The following NOX4 variants were observed in gnomAD, a reference collection of about 807,000 sequenced individuals.
The protein encoded by NOX4 is kidney oxidase-1.
Under a neutral mutation model 87.6 loss-of-function variants are expected in NOX4, and 69 were observed. The ratio of observed to expected loss-of-function variants is 0.79; its 90% CI spans 0.65 to 0.96. The LOEUF (loss-of-function observed/expected upper bound fraction) is 0.96, where lower values mean the gene tolerates loss of function less well. Ranked by LOEUF, NOX4 falls within the 40% of genes least tolerant of loss-of-function variation. NOX4 has a pLI of 0.00. For synonymous variants in NOX4, 275 were observed against 238.2 expected (o/e 1.15, Z -1.42); for missense variants, 680 against 681.5 (o/e 1.00, Z 0.02).
At chr11:89,410,354 G>A (rs1942409611) in intron 8 of NOX4, among the ~76,000 whole-genome samples, 1 of 152,110 alleles carries the variant, frequency 6.6e-6, no homozygotes, top group Admixed American at 6.6e-5. Flanking sequence ...CTTGATACTT[G>A]AGGAAAATTG....
At chr11:89,445,366 G>T (rs1036904046) in intron 4 of NOX4, among the ~76,000 whole-genome samples, 1 of 151,852 alleles carries the variant, frequency 6.6e-6, no homozygotes, top group Non-Finnish European at 1.5e-5. Context: ...CAAAAATAAT[G>T]AAAGTGAGAG....
chr11:89,477,228 G>C (rs573642182), intron 2 of NOX4, among the ~76,000 whole-genome samples: 1 of 152,072 alleles, frequency 6.6e-6, no homozygotes, highest in African/African-American at 2.4e-5. Flanking sequence ...TCCTATCTGG[G>C]GGGTGACAGG....
chr11:89,375,920 G>A (rs960935635), intron 11 of NOX4, among the ~76,000 whole-genome samples: 3 of 152,166 alleles, frequency 2.0e-5, no homozygotes, highest in Admixed American at 2.0e-4. Context: ...GTGTGCCTGA[G>A]GGCAAATGTG....
At chr11:89,436,186 A>T (rs912421439) in intron 6 of NOX4, among the ~76,000 whole-genome samples, 1 of 152,192 alleles carries the variant, frequency 6.6e-6, no homozygotes, top group East Asian at 1.9e-4. Flanking sequence ...TTCCCAGTCC[A>T]CTGGTGGAGA....
At chr11:89,330,835 A>C (rs543592305) in intron 17 of NOX4, among the ~76,000 whole-genome samples, 7 of 152,072 alleles carry the variant, frequency 4.6e-5, no homozygotes, top group Non-Finnish European at 7.4e-5. Context: ...ACTGAAAATA[A>C]AAAGCTTCAA....
At chr11:89,563,800 C>CT in the NOX4 span, among the ~76,000 whole-genome samples, 5 of 151,942 alleles carry the variant, frequency 3.3e-5, no homozygotes, top group East Asian at 3.8e-4. Context: ...CTTAACATTA[C>CT]TTTTTTTAGT....
chr11:89,339,986 T>G (rs1291712301), intron 15 of NOX4, 77 bp downstream of exon 15: 1 of 692,430 alleles, frequency 1.4e-6, no homozygotes, highest in African/African-American at 1.9e-5. Context: ...TGGCAAGCAT[T>G]TATTGCTTTT....
the NOX4 span, among the ~76,000 whole-genome samples, chr11:89,528,658 C>T: frequency 2.6e-5 from 4 of 152,262 alleles, no homozygotes; most frequent in South Asian, 8.3e-4. Flanking sequence ...GAAGGTACCT[C>T]GCTTCCTCCT....
At chr11:89,434,893 C>T (rs1007800561) in intron 6 of NOX4, among the ~76,000 whole-genome samples, 1 of 151,936 alleles carries the variant, frequency 6.6e-6, no homozygotes, top group Non-Finnish European at 1.5e-5. Context: ...TCTATGATTC[C>T]TTGTATATAA....
At chr11:89,419,245 T>C (rs1486077887) in intron 8 of NOX4, among the ~76,000 whole-genome samples, 1 of 152,042 alleles carries the variant, frequency 6.6e-6, no homozygotes, top group African/African-American at 2.4e-5. Context: ...AAGCATACTG[T>C]TGAACAGAAA....
the NOX4 span, among the ~76,000 whole-genome samples, chr11:89,539,565 T>C: frequency 2.0e-5 from 3 of 152,102 alleles, no homozygotes; most frequent in Non-Finnish European, 2.9e-5. Flanking sequence ...TCCCTTTCTC[T>C]CTCCTTTTTT....
intron 2 of NOX4, among the ~76,000 whole-genome samples, chr11:89,485,132 G>A (rs1202184325): frequency 6.6e-6 from 1 of 152,088 alleles, no homozygotes. Context: ...GGACTCTTGA[G>A]AGGGTAAATT....
At chr11:89,501,249 T>C (rs1425213574), upstream of NOX4, among the ~76,000 whole-genome samples, 1 of 152,076 alleles carries the variant, frequency 6.6e-6, no homozygotes, top group Non-Finnish European at 1.5e-5. Flanking sequence ...TGATCTGCAA[T>C]TTAATAGATT....
At chr11:89,331,391 T>C (rs1480189246) in intron 17 of NOX4, among the ~76,000 whole-genome samples, 1 of 151,798 alleles carries the variant, frequency 6.6e-6, no homozygotes, top group African/African-American at 2.4e-5. Flanking sequence ...CTGAAATCAA[T>C]GACCTATGTT....
At chr11:89,427,542 C>A (rs1234451702) in intron 7 of NOX4, among the ~76,000 whole-genome samples, 1 of 152,202 alleles carries the variant, frequency 6.6e-6, no homozygotes. Context: ...CCTGATGGAG[C>A]TGAAAACCAT....
upstream of NOX4, among the ~76,000 whole-genome samples, chr11:89,492,377 TA>T (rs1946881168): frequency 6.6e-6 from 1 of 152,250 alleles, no homozygotes; most frequent in Non-Finnish European, 1.5e-5. Flanking sequence ...ACTAGTTGCT[TA>T]ATCGAATGGC....
chr11:89,342,685 C>G (rs1254772054), intron 13 of NOX4, among the ~76,000 whole-genome samples: 1 of 152,010 alleles, frequency 6.6e-6, no homozygotes, highest in Admixed American at 6.6e-5. Context: ...TAACACTGTC[C>G]CTCCTCTTGC....
At chr11:89,540,171 C>CA in the NOX4 span, among the ~76,000 whole-genome samples, 4 of 152,034 alleles carry the variant, frequency 2.6e-5, no homozygotes, top group East Asian at 7.8e-4. Flanking sequence ...TGCTCCTATT[C>CA]AAAAAAGAGA....
At chr11:89,541,070 G>A in the NOX4 span, among the ~76,000 whole-genome samples, 3 of 152,212 alleles carry the variant, frequency 2.0e-5, no homozygotes, top group East Asian at 5.8e-4. Context: ...GTTTTACTTA[G>A]AGAAACTTTT....
Sources: allele counts gnomAD v4.1 joint callset (sites outside exome capture counted in the v4.1 genomes callset), GRCh38; gene constraint gnomAD v4.1.1; transcripts MANE v1.5; gene names NCBI Gene and HGNC (gene_info 2026-07-23, HGNC 2026-07-21).